The following EYA2 variants were observed in gnomAD, a reference collection of about 807,000 sequenced individuals.
EYA2 encodes the protein protein phosphatase EYA2.
Under a neutral mutation model 69.2 loss-of-function variants are expected in EYA2, and 31 were observed. The ratio of observed to expected loss-of-function variants is 0.45; its 90% confidence interval spans 0.34 to 0.60. EYA2 has a LOEUF of 0.60. Among genes scored for constraint, EYA2 ranks in the 20% least tolerant of loss-of-function variants. The pLI is 0.02. For synonymous variants in EYA2, 257 were observed against 279.4 expected (o/e 0.92, Z 0.80); for missense variants, 622 against 701.2 (o/e 0.89, Z 1.28).
At chr20:46,896,053 A>G (rs1983795556) in intron 1 of EYA2, among the ~76,000 whole-genome samples, 1 of 152,204 alleles carries the variant, frequency 6.6e-6, no homozygotes, top group African/African-American at 2.4e-5. Context: ...TTTAAAATAT[A>G]ACGTGGAGGT....
At chr20:47,010,628 C>CG (rs1555812132) in intron 4 of EYA2, among the ~76,000 whole-genome samples, 1 of 146,708 alleles carries the variant, frequency 6.8e-6, no homozygotes, top group African/African-American at 2.5e-5. Flanking sequence ...AATCCTGTCT[C>CG]AAAAAAAAAA....
chr20:47,035,051 G>T (rs1351191053), intron 5 of EYA2, among the ~76,000 whole-genome samples: 2 of 152,168 alleles, frequency 1.3e-5, no homozygotes, highest in Admixed American at 1.3e-4. Flanking sequence ...CACATTTACA[G>T]CTACTGGGCC....
At chr20:47,001,588 G>A (rs965636231) in intron 3 of EYA2, 115 bp downstream of exon 3, 45 of 1,090,960 alleles carry the variant, frequency 4.1e-5, no homozygotes, top group African/African-American at 3.7e-4. Flanking sequence ...AATCCCAGCC[G>A]TAGCACTTCC....
In EYA2 at chr20:47,188,083, C is replaced by G; in HGVS notation, c.1567C>G (p.His523Asp). ...CATGCCTTTCTGGCGGATATCCTGC[C>G]ACGCAGACCTGGAGGCACTGAGGCA... ...HNMPFWRISC[H>D]ADLEALRHAL... The change falls in exon 16 of 16, where the codon CAC (histidine) becomes GAC (aspartate). Residue 523 changes from histidine (H) to aspartate (D), a missense_variant. His to Asp is a moderately conservative substitution (Grantham distance 81). Around this residue, in one of 2 missense-constraint regions of EYA2, gnomAD observed 257 missense variants for 351.5 expected, o/e 0.73. Transcript: ENST00000327619. 1 of 1,585,558 alleles carries G rather than the reference C, an allele frequency of 6.3e-7. No individual in the cohort carries two copies. Among genetic ancestry groups the G allele is most frequent in the Non-Finnish European group, 8.6e-7 (1 of 1,165,962 alleles).
At chr20:47,005,249 T>C (rs1047730029) in intron 4 of EYA2, among the ~76,000 whole-genome samples, 165 bp downstream of exon 4, 6 of 152,258 alleles carry the variant, frequency 3.9e-5, no homozygotes, top group African/African-American at 1.4e-4. Context: ...TCAAATTCTA[T>C]AGCCTATAAT....
At chr20:47,173,412 G>A (rs1239155295) in intron 12 of EYA2, among the ~76,000 whole-genome samples, 1 of 150,442 alleles carries the variant, frequency 6.6e-6, no homozygotes, top group Non-Finnish European at 1.5e-5. Context: ...GCATCCCCCG[G>A]AGCTGGTTAG....
intron 1 of EYA2, among the ~76,000 whole-genome samples, chr20:46,975,773 G>A (rs937214839): frequency 6.6e-6 from 1 of 152,168 alleles, no homozygotes; most frequent in African/African-American, 2.4e-5. Context: ...AAATTAGCCG[G>A]GCGTGGTTCT....
At chr20:47,006,766 C>T (rs1042859686) in intron 4 of EYA2, among the ~76,000 whole-genome samples, 8 of 152,228 alleles carry the variant, frequency 5.3e-5, no homozygotes, top group Middle Eastern at 3.4e-3. Flanking sequence ...GTTTTGGTAT[C>T]AGGGGTCAGT....
chr20:46,943,678 C>A (rs1986248042), intron 1 of EYA2, among the ~76,000 whole-genome samples: 1 of 152,162 alleles, frequency 6.6e-6, no homozygotes, highest in South Asian at 2.1e-4. Flanking sequence ...ACGACATATA[C>A]CCAAACTAAA....
chr20:46,988,493 C>T (rs767065752), intron 1 of EYA2, among the ~76,000 whole-genome samples: 4 of 152,096 alleles, frequency 2.6e-5, no homozygotes, highest in African/African-American at 7.2e-5. Context: ...GCGATCGCTA[C>T]GTTGTGTTTC....
intron 1 of EYA2, among the ~76,000 whole-genome samples, chr20:46,899,671 C>T (rs1007333): frequency 0.055 from 8,338 of 152,166 alleles, 535 homozygotes; most frequent in African/African-American, 0.16. Flanking sequence ...CAGGTGGTGC[C>T]GAGAGTCAGG....
chr20:46,987,992 A>G (rs1266731836), intron 1 of EYA2, among the ~76,000 whole-genome samples: 8 of 80,142 alleles, frequency 1.0e-4, no homozygotes, highest in African/African-American at 3.7e-4. Context: ...ATATATATAT[A>G]TATATGGGGC....
At chr20:46,926,209 A>G (rs1271195014) in intron 1 of EYA2, among the ~76,000 whole-genome samples, 1 of 152,218 alleles carries the variant, frequency 6.6e-6, no homozygotes, top group African/African-American at 2.4e-5. Context: ...CCAGAGAAAC[A>G]GAAAAAAATA....
intron 5 of EYA2, among the ~76,000 whole-genome samples, chr20:47,063,376 TGTGTGTGTGCGTGTGC>T (rs1450049511): frequency 3.0e-4 from 42 of 138,564 alleles, no homozygotes; most frequent in African/African-American, 1.2e-3. Context: ...GGTTTATTTG[TGTGTGTGTGCGTGTGC>T]GTGTGTGTGT....
chr20:46,978,412 C>T (rs1185701288), intron 1 of EYA2: 11 of 358,664 alleles, frequency 3.1e-5, no homozygotes, highest in Non-Finnish European at 5.0e-5. Context: ...GAAATCCTGC[C>T]GGAACTGAGG....
chr20:46,956,818 A>G (rs934413231), intron 1 of EYA2, among the ~76,000 whole-genome samples: 2 of 152,238 alleles, frequency 1.3e-5, no homozygotes, highest in Non-Finnish European at 2.9e-5. Flanking sequence ...AAAGAGGTTT[A>G]GTGGACTCAC....
intron 9 of EYA2, among the ~76,000 whole-genome samples, chr20:47,139,249 T>C (rs2033542764): frequency 1.3e-5 from 2 of 152,252 alleles, no homozygotes; most frequent in African/African-American, 4.8e-5. Flanking sequence ...ACTGAGTATG[T>C]TGCCTGTTAT....
chr20:47,018,606 G>A (rs892644795), intron 5 of EYA2, among the ~76,000 whole-genome samples: 3 of 152,242 alleles, frequency 2.0e-5, no homozygotes, highest in Non-Finnish European at 2.9e-5. Flanking sequence ...GGGCCGGGCC[G>A]TACAGGCAGC....
chr20:47,073,129 C>T (rs1034590854), intron 6 of EYA2, among the ~76,000 whole-genome samples: 1 of 152,178 alleles, frequency 6.6e-6, no homozygotes, highest in Admixed American at 6.5e-5. Context: ...TGACCACCCC[C>T]GCAACCCCCA....
Sources: gnomAD v4.1 joint callset for allele counts (sites outside exome capture counted in the v4.1 genomes callset) on GRCh38, gnomAD v4.1.1 for gene constraint, gnomAD v4.1.1 regional missense constraint, MANE v1.5 for transcripts, NCBI Gene and HGNC (gene_info 2026-07-23, HGNC 2026-07-21) for gene names.